AGBL4: variants seen among roughly 807,000 people sequenced by gnomAD.
The protein encoded by AGBL4 is AGBL carboxypeptidase 4.
A neutral mutation model predicts 66.4 loss-of-function variants in AGBL4; 58 were observed. The ratio of observed to expected loss-of-function variants is 0.87; its 90% CI spans 0.71 to 1.09. The LOEUF (loss-of-function observed/expected upper bound fraction) is 1.09. Ranked by LOEUF, AGBL4 falls within the 50% of genes least tolerant of loss-of-function variation. AGBL4 has a pLI of 0.00. For synonymous variants in AGBL4, 234 were observed against 222.9 expected, an observed-to-expected ratio of 1.05 and a Z score of -0.44; for missense variants, 579 against 631.0, an observed-to-expected ratio of 0.92 and a Z score of 0.88.
intron 1 of AGBL4, among the ~76,000 whole-genome samples, chr1:49,867,225 C>T (rs1315971316): frequency 1.3e-5 from 2 of 151,904 alleles, no homozygotes; most frequent in Non-Finnish European, 2.9e-5. Context: ...ACCTGTGGCT[C>T]GTCCTCTTTC....
chr1:49,120,277 C>G (rs1224074089), intron 4 of AGBL4, among the ~76,000 whole-genome samples: 5 of 152,090 alleles, frequency 3.3e-5, no homozygotes, highest in African/African-American at 1.2e-4. Context: ...CATTGATGGT[C>G]TTTACAATTT....
intron 3 of AGBL4, among the ~76,000 whole-genome samples, chr1:49,396,118 T>C (rs1415860495): frequency 1.3e-5 from 2 of 151,784 alleles, no homozygotes; most frequent in Non-Finnish European, 2.9e-5. Context: ...CATGCTAATC[T>C]TCACCTATCT....
At chr1:49,900,545 G>A (rs147203151) in intron 1 of AGBL4, among the ~76,000 whole-genome samples, 320 of 152,174 alleles carry the variant, frequency 2.1e-3, no homozygotes, top group Middle Eastern at 3.4e-3. Flanking sequence ...GAGCCCAGCT[G>A]TCAAGAGGTT....
At chr1:49,096,167 A>C (rs1286050317) in intron 4 of AGBL4, among the ~76,000 whole-genome samples, 2 of 151,874 alleles carry the variant, frequency 1.3e-5, no homozygotes, top group African/African-American at 2.4e-5. Context: ...TAGAATGGCG[A>C]TCATTAAAAA....
chr1:49,184,305 T>C (rs1390225820), intron 4 of AGBL4, among the ~76,000 whole-genome samples: 1 of 152,070 alleles, frequency 6.6e-6, no homozygotes, highest in Non-Finnish European at 1.5e-5. Context: ...TTAATTAGAG[T>C]ATGTTTTTAT....
intron 4 of AGBL4, among the ~76,000 whole-genome samples, chr1:49,216,269 A>T (rs1361422904): frequency 6.6e-6 from 1 of 152,018 alleles, no homozygotes; most frequent in Non-Finnish European, 1.5e-5. Flanking sequence ...ATTTTTTTCT[A>T]ATTTCAACTT....
intron 6 of AGBL4, among the ~76,000 whole-genome samples, chr1:48,701,976 T>A (rs1245127740): frequency 2.0e-5 from 3 of 152,178 alleles, no homozygotes; most frequent in Non-Finnish European, 4.4e-5. Context: ...GCATCTCCCA[T>A]CTTTCCATTA....
chr1:48,941,477 T>A (rs1189550591), intron 5 of AGBL4, among the ~76,000 whole-genome samples: 1 of 152,302 alleles, frequency 6.6e-6, no homozygotes, highest in Non-Finnish European at 1.5e-5. Flanking sequence ...CTAGAAGTAG[T>A]TCCCAGGTAG....
At chr1:48,556,697 C>T (rs1408527722) in intron 11 of AGBL4, among the ~76,000 whole-genome samples, 1 of 152,264 alleles carries the variant, frequency 6.6e-6, no homozygotes, top group Non-Finnish European at 1.5e-5. Flanking sequence ...TATACTCTCC[C>T]AGAGCCTCCT....
chr1:49,213,557 C>T (rs889122084), intron 4 of AGBL4, among the ~76,000 whole-genome samples: 2 of 152,100 alleles, frequency 1.3e-5, no homozygotes, highest in Non-Finnish European at 2.9e-5. Context: ...TGCCTACTGC[C>T]ATGATTACAG....
At chr1:48,609,315 C>G (rs186221243) in intron 9 of AGBL4, among the ~76,000 whole-genome samples, 1 of 152,182 alleles carries the variant, frequency 6.6e-6, no homozygotes, top group Admixed American at 6.5e-5. Context: ...CCACAAAAAG[C>G]CTTCATGATC....
chr1:49,029,318 A>G (rs956526791), intron 5 of AGBL4, among the ~76,000 whole-genome samples: 1 of 152,190 alleles, frequency 6.6e-6, no homozygotes, highest in African/African-American at 2.4e-5. Flanking sequence ...ATCTTAAGGA[A>G]TCTAATAAAA....
chr1:49,251,068 C>T (rs1378236661), intron 3 of AGBL4, among the ~76,000 whole-genome samples: 1 of 152,126 alleles, frequency 6.6e-6, no homozygotes, highest in African/African-American at 2.4e-5. Context: ...AATATGAACA[C>T]CCTATTGTCT....
chr1:49,864,506 TG>T (rs1646653232), intron 1 of AGBL4, among the ~76,000 whole-genome samples: 1 of 151,998 alleles, frequency 6.6e-6, no homozygotes, highest in Non-Finnish European at 1.5e-5. Context: ...AAAGACTAGG[TG>T]GTTGGCGCGA....
intron 5 of AGBL4, among the ~76,000 whole-genome samples, chr1:48,917,402 G>T (rs1302435723): frequency 1.3e-5 from 2 of 150,054 alleles, no homozygotes; most frequent in Non-Finnish European, 3.0e-5. Flanking sequence ...AGCTAAGCTG[G>T]AGGTAGAAAA....
At chr1:49,731,725 T>C (rs976488860) in intron 2 of AGBL4, among the ~76,000 whole-genome samples, 2 of 151,912 alleles carry the variant, frequency 1.3e-5, no homozygotes, top group African/African-American at 2.4e-5. Context: ...GGAAAAAAAA[T>C]AGCAACCTTC....
chr1:49,196,332 T>A (rs984965489), intron 4 of AGBL4, among the ~76,000 whole-genome samples: 5 of 152,224 alleles, frequency 3.3e-5, no homozygotes, highest in African/African-American at 1.2e-4. Flanking sequence ...AATTCCTTAA[T>A]GAATTTTTCA....
rs144162618 is a variant in AGBL4, at chr1:49,131,870, C to G, written c.378-86070G>C. On this transcript the variant is annotated intron_variant, in intron 4 of 13. Coordinates refer to ENST00000371839, the MANE Select transcript of AGBL4 (RefSeq NM_032785.4). ...ATCAGATTATGGGGGATGATAATAA[C>G]TCTAATTTTGAATTCTATTTGGAGT... is the stretch of plus-strand genomic sequence containing the variant. Among the ~76,000 whole-genome samples the G allele has an allele frequency of 7.3e-3, 1,117 of 152,116 alleles. 10 individuals carry two copies. The highest frequency in any genetic ancestry group is 0.029 in the South Asian group (142 of 4,824).
chr1:49,314,989 A>C (rs547060930), intron 3 of AGBL4, among the ~76,000 whole-genome samples: 1 of 151,884 alleles, frequency 6.6e-6, no homozygotes, highest in East Asian at 1.9e-4. Context: ...CAGTAATCAC[A>C]CTACCTGACT....
Sources: allele counts gnomAD v4.1 joint callset (sites outside exome capture counted in the v4.1 genomes callset), GRCh38; gene constraint gnomAD v4.1.1; transcripts MANE v1.5; gene names NCBI Gene and HGNC (gene_info 2026-07-23, HGNC 2026-07-21).